Variants in ZFAT observed in about 807,000 individuals in gnomAD.
The protein encoded by ZFAT is zinc finger protein ZFAT.
Under a neutral mutation model 117.7 loss-of-function variants are expected in ZFAT, and 64 were observed. That is an observed-to-expected ratio of 0.54 (90% CI 0.44 to 0.67). The LOEUF (loss-of-function observed/expected upper bound fraction) is 0.67. Ranked by LOEUF, ZFAT falls within the 30% of genes least tolerant of loss-of-function variation. The pLI, the probability that ZFAT is intolerant of heterozygous loss-of-function variation, is 0.00. For synonymous variants in ZFAT, 679 were observed against 615.0 expected (o/e 1.10, Z -1.54); for missense variants, 1,433 against 1,584.5 (o/e 0.90, Z 1.62).
At chr8:134,778,965 G>A in the ZFAT span, among the ~76,000 whole-genome samples, 1 of 152,160 alleles carries the variant, frequency 6.6e-6, no homozygotes, top group Non-Finnish European at 1.5e-5. Context: ...GTGCTAAAAG[G>A]GGTAACCAGG....
At chr8:134,718,854 TG>T in the ZFAT span, among the ~76,000 whole-genome samples, 1 of 152,220 alleles carries the variant, frequency 6.6e-6, no homozygotes, top group Non-Finnish European at 1.5e-5. Context: ...GGATGGCATC[TG>T]GTGTCCACGA....
At chr8:134,726,708 C>A in the ZFAT span, among the ~76,000 whole-genome samples, 1 of 152,274 alleles carries the variant, frequency 6.6e-6, no homozygotes, top group South Asian at 2.1e-4. Context: ...AGCAAGCAGT[C>A]CTCCCACCTC....
Position 134,478,788 on chromosome 8 carries a change from C to T in ZFAT, c.3493-67G>A, listed in dbSNP as rs1158337143. ...TCCCGGTCCAGCGTAACAACAAAGT[C>T]ACAACTACAGTTTAGGAGGCACCAG... On this transcript the variant is annotated intron_variant, in intron 15 of 15. Coordinates refer to ENST00000377838, the MANE Select transcript of ZFAT (RefSeq NM_020863.4). The surrounding 1 kb of genome is among the most constrained non-coding windows in gnomAD (Gnocchi z 5.2). 2.0e-6 allele frequency: 3 copies of T among 1,513,894 alleles called. No homozygotes were observed. Among genetic ancestry groups the T allele is most frequent in the Admixed American group, 2.0e-5 (1 of 50,062 alleles). The allele number at this position is 1,513,894 out of a possible 1,614,324, so 93.8% of individuals were successfully genotyped here. A position where few individuals can be genotyped will look rare whatever the true frequency, so the allele number is the denominator to read the frequency against.
intron 15 of ZFAT, among the ~76,000 whole-genome samples, chr8:134,505,904 G>A (rs951951532): frequency 1.3e-5 from 2 of 152,196 alleles, no homozygotes; most frequent in Non-Finnish European, 2.9e-5. Flanking sequence ...AACACAACCA[G>A]AGACTGAACA....
At chr8:134,586,540 C>A (rs1049495787) in intron 9 of ZFAT, among the ~76,000 whole-genome samples, 2 of 152,218 alleles carry the variant, frequency 1.3e-5, no homozygotes, top group African/African-American at 4.8e-5. Flanking sequence ...TTTATAAGCC[C>A]ATGGTCTCCA....
At chr8:134,517,990 C>T (rs1041734075) in intron 13 of ZFAT, among the ~76,000 whole-genome samples, 3 of 152,128 alleles carry the variant, frequency 2.0e-5, no homozygotes, top group Non-Finnish European at 4.4e-5. Context: ...CATAAAGTTC[C>T]TATTTTTGCC....
chr8:134,625,537 C>A (rs1489955555), intron 3 of ZFAT, among the ~76,000 whole-genome samples: 4 of 152,346 alleles, frequency 2.6e-5, no homozygotes, highest in African/African-American at 9.6e-5. Flanking sequence ...CACCTCACCA[C>A]ATTTGGTTGT....
At chr8:134,539,177 C>CT (rs1469470133) in intron 11 of ZFAT, among the ~76,000 whole-genome samples, 1 of 152,132 alleles carries the variant, frequency 6.6e-6, no homozygotes, top group Non-Finnish European at 1.5e-5. Context: ...TTCCCATCAG[C>CT]ACCAAGGAAG....
At position 134,638,314 on chromosome 8, in the gene ZFAT, T is replaced by C. The variant is rs1178427362; in HGVS notation, c.197-602A>G. 3.9e-5 allele frequency among the ~76,000 whole-genome samples: 6 copies of C among 152,152 alleles called. No homozygotes were observed. The East Asian group carries it at 7.7e-4, about 20-fold the overall frequency. On this transcript the variant is annotated intron_variant, in intron 2 of 15. Transcript: ENST00000377838. ...TTTTCAATGGCATGATCACAGCTGCTTTAGAGCAAGTTTAAAATCATTTTA... is the reference window on the plus strand; with the variant it reads ...TTTTCAATGGCATGATCACAGCTGCCTTAGAGCAAGTTTAAAATCATTTTA...
intron 10 of ZFAT, among the ~76,000 whole-genome samples, chr8:134,576,036 A>G (rs566302174): frequency 8.7e-4 from 132 of 152,344 alleles, no homozygotes; most frequent in Non-Finnish European, 1.7e-3. Flanking sequence ...ACAGAGGTGG[A>G]AAGAAACCGA....
intron 10 of ZFAT, among the ~76,000 whole-genome samples, chr8:134,565,975 G>A (rs9693237): frequency 0.25 from 38,708 of 151,888 alleles, 5,325 homozygotes; most frequent in East Asian, 0.52. Flanking sequence ...GAGTCTGCAG[G>A]ATGATGGCCA....
At chr8:134,510,025 G>GAGGC (rs1374399890) in intron 14 of ZFAT, 3 of 479,612 alleles carry the variant, frequency 6.3e-6, no homozygotes, top group African/African-American at 5.8e-5. Context: ...TTGGGCCACT[G>GAGGC]AGTCAGTTAC....
chr8:134,714,790 C>T (rs912043415), upstream of ZFAT, among the ~76,000 whole-genome samples: 2 of 60,428 alleles, frequency 3.3e-5, no homozygotes, highest in African/African-American at 1.4e-4. Context: ...GTGGATCTCG[C>T]CTCTCCATGC....
the ZFAT span, among the ~76,000 whole-genome samples, chr8:134,809,622 T>C: frequency 6.6e-6 from 1 of 152,214 alleles, no homozygotes; most frequent in Non-Finnish European, 1.5e-5. Flanking sequence ...ACAGACTAAA[T>C]GCATATTGCA....
intron 3 of ZFAT, among the ~76,000 whole-genome samples, chr8:134,622,101 G>A (rs183948839): frequency 4.6e-5 from 7 of 152,304 alleles, no homozygotes; most frequent in African/African-American, 7.2e-5. Context: ...CCAGTCTGTC[G>A]ACTTCACGCC....
At chr8:134,592,492 C>T (rs1324804993) in intron 7 of ZFAT, among the ~76,000 whole-genome samples, 1 of 152,118 alleles carries the variant, frequency 6.6e-6, no homozygotes, top group Non-Finnish European at 1.5e-5. Context: ...TGGAACTTTG[C>T]GCAAATGATT....
chr8:134,478,518 C>A lies in ZFAT; in HGVS notation c.3696G>T (p.Glu1232Asp). 1 of 1,585,276 alleles carries A rather than the reference C, an allele frequency of 6.3e-7. No individual in the cohort carries two copies. Among genetic ancestry groups the A allele is most frequent in the East Asian group, 2.3e-5 (1 of 42,882 alleles). ...GGGCCGGCTGCTCCACAGCCTGCTC[C>A]TCCACAGGCTGCATGGCCTCCTGCA... ...VYVQEAMQPVEEQAVEQPAQE... is the reference protein window; with the variant it reads ...VYVQEAMQPVDEQAVEQPAQE... Residue 1232 changes from glutamate (E) to aspartate (D), a missense_variant, in exon 16 of 16, where the codon GAG becomes GAT. Physicochemically the swap from Glu to Asp is conservative, Grantham distance 45 (BLOSUM62 2). Around this residue, in one of 5 missense-constraint regions of ZFAT, gnomAD observed 503 missense variants for 543.4 expected, o/e 0.93. Coordinates refer to ENST00000377838, the MANE Select transcript of ZFAT (RefSeq NM_020863.4). This position sits in a 1 kb window ranked among gnomAD's most constrained non-coding sequence, Gnocchi z 5.2.
intron 10 of ZFAT, among the ~76,000 whole-genome samples, chr8:134,577,545 G>A (rs113561191): frequency 6.6e-6 from 1 of 152,338 alleles, no homozygotes; most frequent in African/African-American, 2.4e-5. Context: ...CACTTTGTGA[G>A]TACTACTATA....
At chr8:134,801,917 C>A in the ZFAT span, among the ~76,000 whole-genome samples, 1 of 152,164 alleles carries the variant, frequency 6.6e-6, no homozygotes, top group Non-Finnish European at 1.5e-5. Flanking sequence ...ATCAGCAGTA[C>A]TTGGGAACTG....
Sources: allele counts gnomAD v4.1 joint callset (sites outside exome capture counted in the v4.1 genomes callset), GRCh38; gene constraint gnomAD v4.1.1; regional missense constraint gnomAD v4.1.1; non-coding constraint Gnocchi (gnomAD v3.1); transcripts MANE v1.5; gene names NCBI Gene and HGNC (gene_info 2026-07-23, HGNC 2026-07-21).